Variants in ABHD2 observed in about 807,000 individuals in gnomAD.
The protein encoded by ABHD2 is monoacylglycerol lipase ABHD2.
A neutral mutation model predicts 48.1 loss-of-function variants in ABHD2; 20 were observed. The observed-to-expected ratio is 0.42, with a 90% CI of 0.29 to 0.60. ABHD2 has a LOEUF of 0.60. ABHD2 is among the 20% of genes least tolerant of loss of function. The pLI is 0.24. For missense variants in ABHD2, 405 were observed against 550.9 expected, an observed-to-expected ratio of 0.74 and a Z score of 2.65; for synonymous variants, 209 against 214.2, an observed-to-expected ratio of 0.98 and a Z score of 0.21.
intron 1 of ABHD2, among the ~76,000 whole-genome samples, chr15:89,112,209 G>A (rs1006986963): frequency 3.9e-5 from 6 of 152,216 alleles, no homozygotes; most frequent in South Asian, 2.1e-4. Flanking sequence ...CATTGTTGCC[G>A]TGTGAGAATG....
chr15:89,172,938 C>CG (rs2050953478), intron 5 of ABHD2, among the ~76,000 whole-genome samples: 3 of 152,146 alleles, frequency 2.0e-5, no homozygotes, highest in Non-Finnish European at 2.9e-5. Flanking sequence ...TCCCTGTATA[C>CG]GGGGGTTACT....
chr15:89,153,464 C>A (rs894956487), intron 4 of ABHD2, among the ~76,000 whole-genome samples: 5 of 152,168 alleles, frequency 3.3e-5, no homozygotes, highest in Non-Finnish European at 7.4e-5. Context: ...GCTTTTTCTT[C>A]TTCTACCACT....
chr15:89,155,035 G>C lies in ABHD2; in HGVS notation c.371-332G>C, dbSNP rs766358685. On this transcript the variant is annotated intron_variant, in intron 4 of 10. Transcript: ENST00000352732. This position sits in a 1 kb window ranked among gnomAD's most constrained non-coding sequence, Gnocchi z 4.9. ...GGAACTTCTATAGCAATGTGACAGA[G>C]TAATTTTATATTTGTTGAATCTTAT... Among the ~76,000 whole-genome samples the C allele has an allele frequency of 5.3e-5, 8 of 152,150 alleles. No homozygotes were observed. The highest frequency in any genetic ancestry group is 2.9e-5 in the Non-Finnish European group (2 of 68,028).
At position 89,201,375 on chromosome 15, in the gene ABHD2, G is replaced by A. The variant is rs2051463887; in HGVS notation, c.*5952G>A. On this transcript the variant is annotated 3_prime_UTR_variant, in exon 11 of 11. Transcript: ENST00000352732. The stretch of plus-strand genomic sequence containing the variant: ...CCGTCTTGCTTAGATGCATTCAGTG[G>A]GACAGCTTTGCTGGGTTCCATGTCA... 2 of 1,091,098 alleles carry A rather than the reference G, an allele frequency of 1.8e-6. No homozygotes were observed. The highest frequency in any genetic ancestry group is 1.6e-5 in the African/African-American group (1 of 63,732). 67.6% of individuals were successfully genotyped at this position (1,091,098 alleles called of 1,614,324 possible). A position where few individuals can be genotyped will look rare whatever the true frequency, so the allele number is the denominator to read the frequency against.
Position 89,201,205 on chromosome 15 carries a change from C to T in ABHD2, c.*5782C>T. On this transcript the variant is annotated 3_prime_UTR_variant, in exon 11 of 11. Coordinates refer to ENST00000352732, the MANE Select transcript of ABHD2 (RefSeq NM_152924.5). ...ATCCAGGTTTATCCGAATATGCTAC[C>T]TTTCTGAGCCTTAAACCTTCATCTC... 1.4e-6 allele frequency: 2 copies of T among 1,474,338 alleles called. No homozygotes were observed. Among genetic ancestry groups the T allele is most frequent in the Non-Finnish European group, 1.9e-6 (2 of 1,058,086 alleles). 91.3% of individuals were successfully genotyped at this position (1,474,338 alleles called of 1,614,324 possible).
At chr15:89,123,170 C>T (rs542566607) in intron 3 of ABHD2, among the ~76,000 whole-genome samples, 2 of 152,338 alleles carry the variant, frequency 1.3e-5, no homozygotes, top group African/African-American at 4.8e-5. Flanking sequence ...AGTTGGCTCT[C>T]CTATGCCATG....
At position 89,146,690 on chromosome 15, in the gene ABHD2, A is replaced by G. The variant is rs1227221403; in HGVS notation, c.195-4987A>G. On this transcript the variant is annotated intron_variant, in intron 3 of 10. Coordinates refer to ENST00000352732, the MANE Select transcript of ABHD2 (RefSeq NM_152924.5). This position sits in a 1 kb window ranked among gnomAD's most constrained non-coding sequence, Gnocchi z 4.2. ...ACATGCCCAGATGCTTCAACTCAAG[A>G]ATAGCTTTAAAAAATACAGACAGAA... Among the ~76,000 whole-genome samples the G allele has an allele frequency of 1.3e-5, 2 of 152,158 alleles. No homozygotes were observed. Among genetic ancestry groups the G allele is most frequent in the Non-Finnish European group, 2.9e-5 (2 of 68,026 alleles).
chr15:89,172,013 T>TG (rs1297908919), intron 5 of ABHD2, among the ~76,000 whole-genome samples: 1 of 132,044 alleles, frequency 7.6e-6, no homozygotes, highest in African/African-American at 3.1e-5. Context: ...CTATAATAAA[T>TG]ATTTTTCCTG....
At chr15:89,144,649 A>T (rs2050463131) in intron 3 of ABHD2, among the ~76,000 whole-genome samples, 1 of 152,222 alleles carries the variant, frequency 6.6e-6, no homozygotes. Flanking sequence ...CAACCTACAG[A>T]GACAGAGAGC....
the ABHD2 span, among the ~76,000 whole-genome samples, chr15:89,068,100 G>C: frequency 6.6e-6 from 1 of 151,826 alleles, no homozygotes; most frequent in East Asian, 1.9e-4. Context: ...TACCCCTCAG[G>C]GTCTCCCACA....
chr15:89,046,632 G>A, the ABHD2 span, among the ~76,000 whole-genome samples: 3 of 150,998 alleles, frequency 2.0e-5, 1 homozygote, highest in African/African-American at 7.3e-5. Flanking sequence ...TTGGGAGAGT[G>A]TATGTGTCGA....
At chr15:89,122,435 C>T (rs2050066690) in intron 3 of ABHD2, among the ~76,000 whole-genome samples, 1 of 152,182 alleles carries the variant, frequency 6.6e-6, no homozygotes, top group Non-Finnish European at 1.5e-5. Flanking sequence ...ACGATGTTCT[C>T]ATTTTGGCAG....
the ABHD2 span, among the ~76,000 whole-genome samples, chr15:89,066,794 A>T: frequency 5.9e-5 from 9 of 152,184 alleles, no homozygotes; most frequent in Non-Finnish European, 1.3e-4. Flanking sequence ...GCCAGCCAAG[A>T]GGCCAAGTCA....
At chr15:89,115,064 G>A (rs894984066) in intron 2 of ABHD2, among the ~76,000 whole-genome samples, 1 of 152,210 alleles carries the variant, frequency 6.6e-6, no homozygotes, top group South Asian at 2.1e-4. Flanking sequence ...AAGTTCAGTC[G>A]GTTATACCCC....
At chr15:89,158,233 G>A (rs2050706069) in intron 5 of ABHD2, among the ~76,000 whole-genome samples, 1 of 152,172 alleles carries the variant, frequency 6.6e-6, no homozygotes, top group African/African-American at 2.4e-5. Flanking sequence ...AAAAAACTGA[G>A]GCATAGAGAG....
chr15:89,108,858 G>C (rs1278824395), intron 1 of ABHD2, among the ~76,000 whole-genome samples: 2 of 152,238 alleles, frequency 1.3e-5, no homozygotes, highest in Non-Finnish European at 2.9e-5. Context: ...CTGTTACAAA[G>C]TACAGCGATA....
the ABHD2 span, among the ~76,000 whole-genome samples, chr15:89,062,189 T>A: frequency 1.3e-5 from 2 of 152,052 alleles, no homozygotes; most frequent in South Asian, 2.1e-4. Flanking sequence ...CTGGCTAGGG[T>A]CCTGAGGCTA....
the ABHD2 span, among the ~76,000 whole-genome samples, chr15:89,048,917 G>C: frequency 9.6e-6 from 1 of 103,740 alleles, no homozygotes; most frequent in East Asian, 2.3e-4. Context: ...CATTTGTTCC[G>C]TTGCTGGTGA....
At position 89,155,430 on chromosome 15, in the gene ABHD2, C is replaced by G. The variant is rs767239146; in HGVS notation, c.434C>G (p.Thr145Ser). 8.1e-6 allele frequency: 13 copies of G among 1,614,200 alleles called. No individual in the cohort carries two copies. Among genetic ancestry groups the G allele is most frequent in the Non-Finnish European group, 1.1e-5 (13 of 1,180,042 alleles). The change falls in exon 5 of 11, where the codon ACT becomes AGT. Residue 145 changes from threonine to serine, a missense_variant. Transcript: ENST00000352732. This position sits in a 1 kb window ranked among gnomAD's most constrained non-coding sequence, Gnocchi z 4.9. ...CACAGCGAGAAGCAATACATCCGCA[C>G]TTTCGTTGACTACGCCCAGAAAAAT... ...ANHSEKQYIR[T>S]FVDYAQKNGY...
Sources: gnomAD v4.1 joint callset for allele counts (sites outside exome capture counted in the v4.1 genomes callset) on GRCh38, gnomAD v4.1.1 for gene constraint, Gnocchi (gnomAD v3.1) non-coding constraint, MANE v1.5 for transcripts, NCBI Gene and HGNC (gene_info 2026-07-23, HGNC 2026-07-21) for gene names.